Variants in INKA2 observed in about 807,000 individuals in gnomAD.
INKA2 encodes the protein PAK4-inhibitor INKA2.
Under a neutral mutation model 9.8 loss-of-function variants are expected in INKA2, and 3 were observed. That is an observed-to-expected ratio of 0.31 (90% CI 0.14 to 0.79). INKA2 has a LOEUF of 0.79. Ranked by LOEUF, INKA2 falls within the 30% of genes least tolerant of loss-of-function variation. The pLI is 0.62. For synonymous variants in INKA2, 147 were observed against 143.3 expected, an observed-to-expected ratio of 1.03 and a Z score of -0.18; for missense variants, 392 against 384.4, an observed-to-expected ratio of 1.02 and a Z score of -0.17.
intron 1 of INKA2, chr1:111,747,291 T>A (rs569011421): frequency 6.6e-6 from 1 of 152,362 alleles, no homozygotes; most frequent in East Asian, 1.9e-4. Context: ...GTGATATTTG[T>A]CTATCTAAGC....
At chr1:111,755,592 G>T (rs1253492140) in intron 1 of INKA2, 10 of 1,299,038 alleles carry the variant, frequency 7.7e-6, no homozygotes, top group Non-Finnish European at 1.0e-5. Flanking sequence ...GAGGGCGGTG[G>T]CGCCGGGGGC....
Position 111,722,801 on chromosome 1 carries a change from G to T in INKA2, c.*4167C>A, listed in dbSNP as rs147385845. 28 of 419,682 alleles carry T rather than the reference G, an allele frequency of 6.7e-5. No homozygotes were observed. The South Asian group carries it at 7.0e-4, about 11-fold the overall frequency. 26.0% of individuals were successfully genotyped at this position (419,682 alleles called of 1,614,324 possible). ...TGTTTCGACAGAAGAAGAGACCAAC[G>T]CTCAGAGAAAGCACTTTTTCTTAAG... is the stretch of plus-strand genomic sequence containing the variant. On this transcript the variant is annotated 3_prime_UTR_variant, in exon 2 of 2. Coordinates refer to ENST00000357260, the MANE Select transcript of INKA2 (RefSeq NM_019099.5).
chr1:111,726,791 T>C lies in INKA2; in HGVS notation c.*177A>G, dbSNP rs1200795236. ...ACCAGCTAGCCCCCAAGACAGCCTC[T>C]CCCAACCACCTTCCCTTCAGTCCTG... On this transcript the variant is annotated 3_prime_UTR_variant, in exon 2 of 2. Coordinates refer to ENST00000357260, the MANE Select transcript of INKA2 (RefSeq NM_019099.5). The C allele has an allele frequency of 2.9e-6, 2 of 695,214 alleles. No individual in the cohort carries two copies. Among genetic ancestry groups the C allele is most frequent in the Non-Finnish European group, 4.9e-6 (2 of 406,046 alleles). 43.1% of individuals were successfully genotyped at this position (695,214 alleles called of 1,614,324 possible).
chr1:111,739,575 G>A (rs1192293920), upstream of INKA2, among the ~76,000 whole-genome samples: 2 of 152,246 alleles, frequency 1.3e-5, no homozygotes, highest in African/African-American at 2.4e-5. Flanking sequence ...CAGCCACTGG[G>A]GCTGGCGAGG....
In INKA2 at chr1:111,722,610, AC is replaced by A. The variant is rs1662672502; in HGVS notation, c.*4357del. On this transcript the variant is annotated 3_prime_UTR_variant, in exon 2 of 2. Coordinates refer to ENST00000357260, the MANE Select transcript of INKA2 (RefSeq NM_019099.5). Reference sequence around the variant, plus strand: ...AAGCTCAGCCTTTCTCCACCTCCACACCCCCCGCCTCCCCAGTGCATGTCAT... The same window carrying A: ...AAGCTCAGCCTTTCTCCACCTCCACACCCCCGCCTCCCCAGTGCATGTCAT... 2 of 153,646 alleles carry A rather than the reference AC, an allele frequency of 1.3e-5. No individual in the cohort carries two copies. Among genetic ancestry groups the A allele is most frequent in the South Asian group, 3.8e-4 (2 of 5,246 alleles). The allele number at this position is 153,646 out of a possible 1,614,324, so 9.5% of individuals were successfully genotyped here. A position where few individuals can be genotyped will look rare whatever the true frequency, so the allele number is the denominator to read the frequency against.
chr1:111,735,480 G>C (rs1051971373), intron 1 of INKA2, among the ~76,000 whole-genome samples: 9 of 152,078 alleles, frequency 5.9e-5, no homozygotes, highest in African/African-American at 1.9e-4. Flanking sequence ...GAAAACCAAG[G>C]CACAATGAGG....
intron 1 of INKA2, among the ~76,000 whole-genome samples, chr1:111,749,018 C>G (rs902786195): frequency 3.9e-5 from 6 of 152,226 alleles, no homozygotes; most frequent in Non-Finnish European, 8.8e-5. Flanking sequence ...GGCTGAGTAA[C>G]AGCCCAAAGG....
chr1:111,735,968 A>G (rs1347241117), intron 1 of INKA2, among the ~76,000 whole-genome samples: 1 of 152,164 alleles, frequency 6.6e-6, no homozygotes, highest in East Asian at 1.9e-4. Context: ...TATTTGTTCT[A>G]CACTGATCTG....
intron 1 of INKA2, among the ~76,000 whole-genome samples, chr1:111,737,229 T>C (rs945842454): frequency 3.3e-5 from 5 of 152,198 alleles, no homozygotes; most frequent in African/African-American, 7.2e-5. Context: ...CTCTCAGGCA[T>C]TGGGGGCTCA....
intron 1 of INKA2, chr1:111,745,314 T>TTTTTTA (rs374373367): frequency 3.5e-5 from 4 of 113,028 alleles, no homozygotes; most frequent in East Asian, 2.3e-4. Context: ...TTTTTTTTTT[T>TTTTTTA]GAGACAGGGT....
chr1:111,752,720 G>C (rs1663437329), intron 1 of INKA2, among the ~76,000 whole-genome samples: 1 of 151,088 alleles, frequency 6.6e-6, no homozygotes, highest in African/African-American at 2.4e-5. Flanking sequence ...TTGAGACGGA[G>C]TCTCGCTCTG....
intron 1 of INKA2, chr1:111,755,604 C>A (rs1663523032): frequency 6.8e-7 from 1 of 1,465,538 alleles, no homozygotes; most frequent in Non-Finnish European, 9.2e-7. Context: ...GCCGGGGGCA[C>A]GGCTGGGCGG....
chr1:111,739,899 CT>C (rs1312508228), upstream of INKA2: 1 of 152,302 alleles, frequency 6.6e-6, no homozygotes, highest in African/African-American at 2.4e-5. Context: ...CCTCGCAGCC[CT>C]GCCCTCGCGG....
Position 111,722,332 on chromosome 1 carries a change from G to C in INKA2, c.*4636C>G, listed in dbSNP as rs1662667373. 1 of 152,592 alleles carries C rather than the reference G, an allele frequency of 6.6e-6. No individual in the cohort carries two copies. The highest frequency in any genetic ancestry group is 2.4e-5 in the African/African-American group (1 of 41,446). The allele number at this position is 152,592 out of a possible 1,614,324, so 9.5% of individuals were successfully genotyped here. A position where few individuals can be genotyped will look rare whatever the true frequency, so the allele number is the denominator to read the frequency against. On this transcript the variant is annotated 3_prime_UTR_variant, in exon 2 of 2. Coordinates refer to ENST00000357260, the MANE Select transcript of INKA2 (RefSeq NM_019099.5). ...CACCTTTAGGCCATTAGTTTCCAGG[G>C]TGGCCGGAGGGCAGGAGGAAGGGAG...
upstream of INKA2, among the ~76,000 whole-genome samples, chr1:111,740,454 G>A (rs1047659008): frequency 3.3e-5 from 5 of 152,224 alleles, no homozygotes; most frequent in South Asian, 6.2e-4. Flanking sequence ...CCCTCCCAGC[G>A]CGGAGACGCC....
chr1:111,729,077 G>C (rs2101359287), intron 1 of INKA2, among the ~76,000 whole-genome samples: 1 of 152,232 alleles, frequency 6.6e-6, no homozygotes, highest in Admixed American at 6.5e-5. Context: ...CCTGCACCCA[G>C]AGCTGGACTT....
At chr1:111,747,002 A>G (rs1663288387) in intron 1 of INKA2, 1 of 152,162 alleles carries the variant, frequency 6.6e-6, no homozygotes, top group South Asian at 2.1e-4. Context: ...CTGCCACCCA[A>G]GCATGTGATT....
At position 111,727,056 on chromosome 1, in the gene INKA2, C is replaced by T. The variant is rs2101354278; in HGVS notation, c.806G>A (p.Arg269Lys). 1 of 1,614,122 alleles carries T rather than the reference C, an allele frequency of 6.2e-7. No homozygotes were observed. Among genetic ancestry groups the T allele is most frequent in the South Asian group, 1.1e-5 (1 of 91,076 alleles). ...GCTTGTGGGGGGATTCTCCCCTCGC[C>T]TGTGCTCCCCGGTGCCTGGGAAGGG... ...HFPFPGTGEHRRGENPPTSCP... is the reference protein window; with the variant it reads ...HFPFPGTGEHKRGENPPTSCP... Residue 269 changes from arginine (R) to lysine (K), a missense_variant, in exon 2 of 2, where the codon AGG (arginine) becomes AAG (lysine). Arg to Lys is a conservative substitution (Grantham distance 26). Coordinates refer to ENST00000357260, the MANE Select transcript of INKA2 (RefSeq NM_019099.5).
At chr1:111,735,139 C>T (rs1427635840) in intron 1 of INKA2, among the ~76,000 whole-genome samples, 1 of 152,212 alleles carries the variant, frequency 6.6e-6, no homozygotes, top group Non-Finnish European at 1.5e-5. Flanking sequence ...TCAATGTTAA[C>T]ATCAATTAAT....
Sources: gnomAD v4.1 joint callset for allele counts (sites outside exome capture counted in the v4.1 genomes callset) on GRCh38, gnomAD v4.1.1 for gene constraint, MANE v1.5 for transcripts, NCBI Gene and HGNC (gene_info 2026-07-23, HGNC 2026-07-21) for gene names.